The following FHIT variants were observed in gnomAD, a reference collection of about 807,000 sequenced individuals.
The protein encoded by FHIT is fragile histidine triad diadenosine triphosphatase.
Under a neutral mutation model 17.9 loss-of-function variants are expected in FHIT, and 19 were observed. The ratio of observed to expected loss-of-function variants is 1.06; its 90% CI spans 0.74 to 1.56. The LOEUF (loss-of-function observed/expected upper bound fraction) is 1.56. Among genes scored for constraint, FHIT ranks in the 40% most tolerant of loss-of-function variants. The pLI is 0.00. For synonymous variants in FHIT, 81 were observed against 69.7 expected (o/e 1.16, Z -0.81); for missense variants, 248 against 189.2 (o/e 1.31, Z -1.82).
intron 5 of FHIT, among the ~76,000 whole-genome samples, chr3:60,502,388 C>T (rs967023785): frequency 6.6e-5 from 10 of 152,166 alleles, no homozygotes; most frequent in Admixed American, 2.6e-4. Flanking sequence ...TGACCTTGCA[C>T]GGCACAGCAT....
chr3:60,402,740 C>G (rs141615641), intron 5 of FHIT, among the ~76,000 whole-genome samples: 377 of 152,066 alleles, frequency 2.5e-3, no homozygotes, highest in Non-Finnish European at 3.7e-3. Context: ...AAAAATAGTC[C>G]AAAAATGAAA....
Position 60,000,983 on chromosome 3 carries a change from C to G in FHIT, c.279+10388G>C, listed in dbSNP as rs868093450. On this transcript the variant is annotated intron_variant, in intron 7 of 9. Coordinates refer to ENST00000492590, the MANE Select transcript of FHIT (RefSeq NM_002012.4). Reference sequence around the variant, plus strand: ...GAATGGTCTTTCTTCTCCAGCTCTTCGCTGGCTAGGCGCCTGTCGTTCCCT... The same window carrying G: ...GAATGGTCTTTCTTCTCCAGCTCTTGGCTGGCTAGGCGCCTGTCGTTCCCT... Among the ~76,000 whole-genome samples the G allele has an allele frequency of 3.3e-5, 5 of 152,282 alleles. No homozygotes were observed. The Middle Eastern group carries it at 0.01, about 311-fold the overall frequency.
intron 4 of FHIT, among the ~76,000 whole-genome samples, chr3:60,577,009 A>G (rs1175376506): frequency 2.6e-5 from 4 of 151,766 alleles, no homozygotes; most frequent in African/African-American, 4.8e-5. Context: ...AGATAATTCA[A>G]TATTCAACTT....
intron 5 of FHIT, among the ~76,000 whole-genome samples, chr3:60,295,045 T>C (rs149925276): frequency 0.014 from 2,105 of 152,208 alleles, 24 homozygotes; most frequent in Middle Eastern, 0.034. Context: ...TAAATGACCA[T>C]GATCACAAAT....
intron 5 of FHIT, among the ~76,000 whole-genome samples, chr3:60,470,778 G>A (rs764469099): frequency 6.6e-6 from 1 of 152,084 alleles, no homozygotes; most frequent in South Asian, 2.1e-4. Context: ...TCAAGCAGAA[G>A]GGATCTCTCC....
intron 3 of FHIT, among the ~76,000 whole-genome samples, chr3:61,014,779 CAAAAAAAAAAAAAAAA>C (rs869289360): frequency 1.5e-5 from 1 of 65,808 alleles, no homozygotes; most frequent in African/African-American, 1.2e-4. Flanking sequence ...GACTCTGCCT[CAAAAAAAAAAAAAAAA>C]AAAAAAAAAA....
chr3:60,239,281 T>C (rs1316196626), intron 5 of FHIT, among the ~76,000 whole-genome samples: 1 of 152,190 alleles, frequency 6.6e-6, no homozygotes, highest in African/African-American at 2.4e-5. Context: ...TCTTTTTGGC[T>C]GGGAGGAGAG....
intron 4 of FHIT, among the ~76,000 whole-genome samples, chr3:60,755,141 TA>T (rs1413030857): frequency 6.6e-6 from 1 of 152,200 alleles, no homozygotes; most frequent in African/African-American, 2.4e-5. Flanking sequence ...ATCTACTCTG[TA>T]TTCTGAAAAT....
chr3:60,757,492 G>C (rs1006257530), intron 4 of FHIT, among the ~76,000 whole-genome samples: 1 of 152,202 alleles, frequency 6.6e-6, no homozygotes. Flanking sequence ...GGCCTCCTTA[G>C]GTGATTGTGT....
chr3:60,686,058 T>G (rs1486840310), intron 4 of FHIT, among the ~76,000 whole-genome samples: 1 of 152,188 alleles, frequency 6.6e-6, no homozygotes, highest in African/African-American at 2.4e-5. Flanking sequence ...TTATTTTGAC[T>G]CCGTTCCTGA....
At chr3:60,460,024 G>A (rs1343661704) in intron 5 of FHIT, among the ~76,000 whole-genome samples, 1 of 152,042 alleles carries the variant, frequency 6.6e-6, no homozygotes, top group African/African-American at 2.4e-5. Flanking sequence ...ATAGCCAAAG[G>A]TCAAAATAGT....
chr3:59,956,169 C>T (rs1012358960), intron 7 of FHIT, among the ~76,000 whole-genome samples: 3 of 152,134 alleles, frequency 2.0e-5, no homozygotes, highest in South Asian at 2.1e-4. Flanking sequence ...GGTCTTTAGT[C>T]AGCAAACTCT....
intron 4 of FHIT, among the ~76,000 whole-genome samples, chr3:60,766,330 C>G (rs558341299): frequency 1.8e-3 from 269 of 152,286 alleles, no homozygotes; most frequent in African/African-American, 6.3e-3. Flanking sequence ...ACTCTCTTTC[C>G]TGGCACTTAT....
At chr3:60,131,122 T>G (rs1699579756) in intron 5 of FHIT, among the ~76,000 whole-genome samples, 1 of 145,900 alleles carries the variant, frequency 6.9e-6, no homozygotes, top group Non-Finnish European at 1.5e-5. Flanking sequence ...CAGTCATCCC[T>G]TGGATTGGTT....
chr3:59,860,117 C>T (rs141922970), intron 8 of FHIT, among the ~76,000 whole-genome samples: 194 of 152,262 alleles, frequency 1.3e-3, no homozygotes, highest in African/African-American at 4.6e-3. Flanking sequence ...CGGTTTGAAA[C>T]AGCTTCAGAA....
intron 5 of FHIT, among the ~76,000 whole-genome samples, chr3:60,077,694 AC>A (rs1703080083): frequency 1.0e-5 from 1 of 95,936 alleles, no homozygotes; most frequent in African/African-American, 5.3e-5. Flanking sequence ...CTTCACACAC[AC>A]ACACACACAC....
intron 5 of FHIT, among the ~76,000 whole-genome samples, chr3:60,516,893 A>G (rs1464703873): frequency 3.9e-5 from 6 of 152,302 alleles, no homozygotes; most frequent in Non-Finnish European, 8.8e-5. Context: ...GAGCTTCAGT[A>G]AATTGAGAAA....
chr3:60,467,693 T>A (rs1483083258), intron 5 of FHIT, among the ~76,000 whole-genome samples: 3 of 152,084 alleles, frequency 2.0e-5, no homozygotes, highest in African/African-American at 4.8e-5. Context: ...ATATTTGACA[T>A]AATTTTTAAA....
rs564065633 is a variant in FHIT at position 60,552,102 on chromosome 3, T to G, written c.-17-15123A>C. ...GAGTCATACGATATATAGCCTTTTA[T>G]GTGTAGCTTATTTCACTTAGCATGT... On this transcript the variant is annotated intron_variant, in intron 4 of 9. Coordinates refer to ENST00000492590, the MANE Select transcript of FHIT (RefSeq NM_002012.4). Among the ~76,000 whole-genome samples the G allele has an allele frequency of 5.3e-5, 8 of 152,276 alleles. No individual in the cohort carries two copies. The East Asian group carries it at 7.7e-4, about 15-fold the overall frequency.
Sources: allele counts gnomAD v4.1 joint callset (sites outside exome capture counted in the v4.1 genomes callset), GRCh38; gene constraint gnomAD v4.1.1; transcripts MANE v1.5; gene names NCBI Gene and HGNC (gene_info 2026-07-23, HGNC 2026-07-21).